RCAN2: variants seen among roughly 807,000 people sequenced by gnomAD.
RCAN2 encodes the protein calcipressin-2.
In RCAN2, 9 loss-of-function variants were observed where a neutral mutation model predicts 23.6. The observed-to-expected ratio is 0.38, with a 90% CI of 0.23 to 0.67. RCAN2 has a LOEUF of 0.67. Ranked by LOEUF, RCAN2 falls within the 30% of genes least tolerant of loss-of-function variation. The pLI is 0.51. For missense variants in RCAN2, 273 were observed against 302.3 expected (o/e 0.90, Z 0.72); for synonymous variants, 109 against 115.7 (o/e 0.94, Z 0.37).
At chr6:46,299,495 T>C (rs1412227699) in intron 2 of RCAN2, among the ~76,000 whole-genome samples, 1 of 152,062 alleles carries the variant, frequency 6.6e-6, no homozygotes, top group Non-Finnish European at 1.5e-5. Context: ...TGTTTGAGTG[T>C]GGCTCACCAC....
At chr6:46,231,942 AGC>A (rs1765908710) in intron 4 of RCAN2, among the ~76,000 whole-genome samples, 1 of 152,238 alleles carries the variant, frequency 6.6e-6, no homozygotes, top group Admixed American at 6.5e-5. Flanking sequence ...AAATAGAACC[AGC>A]CACAGCCATT....
At chr6:46,477,086 C>T (rs797014830) in intron 1 of RCAN2, among the ~76,000 whole-genome samples, 4 of 152,110 alleles carry the variant, frequency 2.6e-5, no homozygotes, top group African/African-American at 9.7e-5. Context: ...TGCAGGGGGA[C>T]AGAAGCTCCT....
At chr6:46,461,853 T>C (rs920405785) in intron 1 of RCAN2, among the ~76,000 whole-genome samples, 6 of 152,114 alleles carry the variant, frequency 3.9e-5, no homozygotes, top group African/African-American at 1.2e-4. Flanking sequence ...CCCAAATTGT[T>C]GAGATTACAG....
intron 1 of RCAN2, among the ~76,000 whole-genome samples, chr6:46,477,166 T>A (rs1308736492): frequency 6.6e-6 from 1 of 152,062 alleles, no homozygotes; most frequent in African/African-American, 2.4e-5. Flanking sequence ...TCCTTTAGAA[T>A]CCTCCCCTTC....
chr6:46,263,763 A>G (rs1767225104), intron 2 of RCAN2, among the ~76,000 whole-genome samples: 1 of 151,204 alleles, frequency 6.6e-6, no homozygotes, highest in Non-Finnish European at 1.5e-5. Flanking sequence ...CAAGGGATTA[A>G]GAAGAGGATA....
intron 2 of RCAN2, among the ~76,000 whole-genome samples, chr6:46,318,553 G>A (rs781070170): frequency 2.6e-5 from 4 of 152,162 alleles, no homozygotes; most frequent in Non-Finnish European, 5.9e-5. Flanking sequence ...GTTTCCTTTA[G>A]CAATTGTTCA....
intron 2 of RCAN2, among the ~76,000 whole-genome samples, chr6:46,387,252 A>G (rs1203147637): frequency 2.6e-5 from 4 of 152,154 alleles, no homozygotes; most frequent in Admixed American, 6.5e-5. Flanking sequence ...ATTGACAAAT[A>G]GGATCTAATT....
chr6:46,395,239 A>C (rs1299646761), intron 2 of RCAN2, among the ~76,000 whole-genome samples: 1 of 152,170 alleles, frequency 6.6e-6, no homozygotes, highest in African/African-American at 2.4e-5. Flanking sequence ...GTGGTGTTTA[A>C]AGGCATGAGA....
At chr6:46,305,166 G>A (rs977435391) in intron 2 of RCAN2, among the ~76,000 whole-genome samples, 2 of 151,990 alleles carry the variant, frequency 1.3e-5, no homozygotes, top group Non-Finnish European at 1.5e-5. Flanking sequence ...ACTTCTCCGC[G>A]GACACAAAGG....
chr6:46,394,229 G>A (rs1247294806), intron 2 of RCAN2, among the ~76,000 whole-genome samples: 1 of 152,184 alleles, frequency 6.6e-6, no homozygotes, highest in Admixed American at 6.5e-5. Flanking sequence ...ACAGGTGGCA[G>A]AATTCAAGAA....
At chr6:46,254,916 C>G (rs149164566) in intron 2 of RCAN2, among the ~76,000 whole-genome samples, 1 of 152,234 alleles carries the variant, frequency 6.6e-6, no homozygotes, top group African/African-American at 2.4e-5. Flanking sequence ...CCAAGGAATG[C>G]TAAATATTGC....
chr6:46,278,367 C>T (rs1436015662), intron 2 of RCAN2, among the ~76,000 whole-genome samples: 1 of 151,816 alleles, frequency 6.6e-6, no homozygotes, highest in Non-Finnish European at 1.5e-5. Flanking sequence ...CCTTTTGTCC[C>T]ACCCATCCTT....
At position 46,303,505 on chromosome 6, in the gene RCAN2, A is replaced by G. The variant is rs188652677; in HGVS notation, c.226-54609T>C. On this transcript the variant is annotated intron_variant, in intron 2 of 4. Coordinates refer to ENST00000371374, the MANE Select transcript of RCAN2 (RefSeq NM_001251974.2). ...ACCATGAGGCCTTGGAGACTTTGCTAGTGGGATGGGTCACCAATTTTATGT... is the reference window on the plus strand; with the variant it reads ...ACCATGAGGCCTTGGAGACTTTGCTGGTGGGATGGGTCACCAATTTTATGT... Among the ~76,000 whole-genome samples, 113 of 152,206 alleles carry G rather than the reference A, an allele frequency of 7.4e-4. 1 individual carries two copies. Among genetic ancestry groups the G allele is most frequent in the African/African-American group, 2.3e-3 (95 of 41,554 alleles).
At chr6:46,302,206 T>C (rs1026885967) in intron 2 of RCAN2, among the ~76,000 whole-genome samples, 2 of 152,090 alleles carry the variant, frequency 1.3e-5, no homozygotes, top group African/African-American at 4.8e-5. Context: ...ATCTGTGGCC[T>C]GAGCAACTGG....
At chr6:46,246,276 T>A (rs1409687273) in intron 4 of RCAN2, among the ~76,000 whole-genome samples, 2 of 152,144 alleles carry the variant, frequency 1.3e-5, no homozygotes, top group African/African-American at 2.4e-5. Flanking sequence ...GTGACTGACT[T>A]CTTAGGAACT....
At chr6:46,424,015 C>G (rs1561900101) in intron 2 of RCAN2, among the ~76,000 whole-genome samples, 1 of 152,108 alleles carries the variant, frequency 6.6e-6, no homozygotes, top group South Asian at 2.1e-4. Flanking sequence ...GGTTCTCGAA[C>G]CTGCGAGCTA....
chr6:46,445,063 T>C (rs1035518364), intron 2 of RCAN2, among the ~76,000 whole-genome samples: 1 of 152,096 alleles, frequency 6.6e-6, no homozygotes, highest in Non-Finnish European at 1.5e-5. Flanking sequence ...ACTTCAGCAA[T>C]GTCCCAGTGA....
In RCAN2 at chr6:46,379,173, G is replaced by A. The variant is rs1024491672; in HGVS notation, c.225+77579C>T. On this transcript the variant is annotated intron_variant, in intron 2 of 4. Coordinates refer to ENST00000371374, the MANE Select transcript of RCAN2 (RefSeq NM_001251974.2). ...GTGAGAATTAGGTCTCCTAGAGGGT[G>A]AAGGTAGTTTGCCAATTATGTGGGT... 2.0e-5 allele frequency among the ~76,000 whole-genome samples: 3 copies of A among 152,194 alleles called. No homozygotes were observed. The East Asian group carries it at 5.8e-4, about 29-fold the overall frequency.
At chr6:46,223,330 AAG>A (rs758165474) in intron 4 of RCAN2, 29 bp from the exon 5 acceptor site, 37 of 1,602,656 alleles carry the variant, frequency 2.3e-5, no homozygotes, top group African/African-American at 4.0e-5. Flanking sequence ...GGAAGTGAGA[AAG>A]AGGGGGGGAT....
Sources: gnomAD v4.1 joint callset for allele counts (sites outside exome capture counted in the v4.1 genomes callset) on GRCh38, gnomAD v4.1.1 for gene constraint, MANE v1.5 for transcripts, NCBI Gene and HGNC (gene_info 2026-07-23, HGNC 2026-07-21) for gene names.